The following RFX3 variants were observed in gnomAD, a reference collection of about 807,000 sequenced individuals.
RFX3 encodes transcription factor RFX3.
RFX3 carries 14 observed loss-of-function variants against 98.6 expected under a neutral mutation model. The observed-to-expected ratio is 0.14, with a 90% CI of 0.09 to 0.22. The LOEUF is 0.22. Ranked by LOEUF, RFX3 falls within the 10% of genes least tolerant of loss-of-function variation. The pLI, the probability that RFX3 is intolerant of heterozygous loss-of-function variation, is 1.00. For missense variants in RFX3, 639 were observed against 926.9 expected (o/e 0.69, Z 4.03); for synonymous variants, 383 against 328.4 (o/e 1.17, Z -1.80).
At chr9:3,414,007 T>C (rs1306555170) in intron 1 of RFX3, among the ~76,000 whole-genome samples, 1 of 152,152 alleles carries the variant, frequency 6.6e-6, no homozygotes, top group East Asian at 1.9e-4. Context: ...TAAAAGCTGC[T>C]ATTTATTGAA....
chr9:3,369,865 T>C (rs974065520), intron 2 of RFX3, among the ~76,000 whole-genome samples: 3 of 152,174 alleles, frequency 2.0e-5, no homozygotes, highest in Admixed American at 6.5e-5. Flanking sequence ...AGTCTTGATC[T>C]GTCGCCCAGG....
intron 13 of RFX3, among the ~76,000 whole-genome samples, chr9:3,258,294 G>A (rs189577783): frequency 2.8e-4 from 43 of 152,210 alleles, no homozygotes; most frequent in African/African-American, 9.9e-4. Context: ...GAATACATAT[G>A]TATTTTTCTC....
At chr9:3,374,213 C>A (rs191213689) in intron 2 of RFX3, among the ~76,000 whole-genome samples, 1 of 152,048 alleles carries the variant, frequency 6.6e-6, no homozygotes, top group South Asian at 2.1e-4. Context: ...GGAACCCTTG[C>A]GCTCTGTTGG....
intron 1 of RFX3, among the ~76,000 whole-genome samples, chr9:3,454,113 T>C (rs184744460): frequency 2.1e-3 from 314 of 152,344 alleles, no homozygotes; most frequent in African/African-American, 7.1e-3. Context: ...CTCTTTGCTA[T>C]GAATTAGGAA....
intron 9 of RFX3, among the ~76,000 whole-genome samples, chr9:3,271,608 T>A (rs983702042): frequency 6.6e-6 from 1 of 151,618 alleles, no homozygotes; most frequent in East Asian, 2.0e-4. Flanking sequence ...TCTGCCTCTA[T>A]AGTTACTGTC....
chr9:3,341,882 C>A (rs913520776), intron 3 of RFX3, among the ~76,000 whole-genome samples: 1 of 152,164 alleles, frequency 6.6e-6, no homozygotes, highest in Non-Finnish European at 1.5e-5. Context: ...ATCTCAATTA[C>A]AGAATTCCAT....
intron 5 of RFX3, among the ~76,000 whole-genome samples, chr9:3,297,328 C>T (rs955623146): frequency 4.6e-5 from 7 of 151,952 alleles, no homozygotes; most frequent in African/African-American, 1.7e-4. Flanking sequence ...AACATAGGAA[C>T]TTTTAACCTT....
chr9:3,460,023 A>G (rs1847547543), intron 1 of RFX3, among the ~76,000 whole-genome samples: 2 of 152,072 alleles, frequency 1.3e-5, no homozygotes, highest in Admixed American at 1.3e-4. Context: ...TGGAGAAAAA[A>G]AAACTTTATT....
intron 3 of RFX3, among the ~76,000 whole-genome samples, 178 bp from the exon 4 acceptor site, chr9:3,330,695 G>C (rs1832492453): frequency 2.6e-5 from 4 of 152,048 alleles, no homozygotes; most frequent in Admixed American, 6.6e-5. Flanking sequence ...TTCAAATTAA[G>C]GGGCCACTCA....
At chr9:3,330,154 T>C in intron 4 of RFX3, 105 bp downstream of exon 4, 1 of 1,165,448 alleles carries the variant, frequency 8.6e-7, no homozygotes, top group South Asian at 1.5e-5. Context: ...TCCAACACAT[T>C]CTTGCCCCAG....
intron 2 of RFX3, among the ~76,000 whole-genome samples, chr9:3,370,499 A>C: frequency 6.6e-6 from 1 of 151,496 alleles, no homozygotes; most frequent in Admixed American, 6.6e-5. Context: ...TATTAATTAT[A>C]TATATATATA....
chr9:3,500,666 G>C (rs541773948), intron 1 of RFX3, among the ~76,000 whole-genome samples: 2 of 152,164 alleles, frequency 1.3e-5, no homozygotes, highest in East Asian at 1.9e-4. Flanking sequence ...CCTTTTAAAA[G>C]TAATTAAAAT....
intron 5 of RFX3, among the ~76,000 whole-genome samples, chr9:3,297,258 G>A (rs1010716644): frequency 6.6e-6 from 1 of 151,880 alleles, no homozygotes; most frequent in Non-Finnish European, 1.5e-5. Context: ...CTTGTAAAAT[G>A]TATGCTGACT....
At chr9:3,451,834 T>G (rs897537598) in intron 1 of RFX3, among the ~76,000 whole-genome samples, 3 of 135,210 alleles carry the variant, frequency 2.2e-5, no homozygotes, top group African/African-American at 5.9e-5. Context: ...ATTTTAAAAG[T>G]TTTTTTTTTT....
chr9:3,350,083 A>G (rs954426768), intron 2 of RFX3, among the ~76,000 whole-genome samples: 3 of 152,236 alleles, frequency 2.0e-5, no homozygotes, highest in Middle Eastern at 3.4e-3. Context: ...TAGACATAAC[A>G]CCAAAGGTGT....
chr9:3,326,714 T>A (rs983488304), intron 4 of RFX3, among the ~76,000 whole-genome samples: 1 of 152,184 alleles, frequency 6.6e-6, no homozygotes, highest in African/African-American at 2.4e-5. Flanking sequence ...ATGTACCATA[T>A]TTTCTTTATC....
At chr9:3,417,246 T>G (rs774410786) in intron 1 of RFX3, among the ~76,000 whole-genome samples, 9 of 152,000 alleles carry the variant, frequency 5.9e-5, no homozygotes, top group Non-Finnish European at 1.2e-4. Context: ...AAATGCAGTA[T>G]TATTGATGGA....
At position 3,265,822 on chromosome 9, in the gene RFX3, A is replaced by C. The variant is rs547585797; in HGVS notation, c.1455+386T>G. Among the ~76,000 whole-genome samples, 6 of 152,310 alleles carry C rather than the reference A, an allele frequency of 3.9e-5. No homozygotes were observed. The East Asian group carries it at 1.2e-3, about 29-fold the overall frequency. On this transcript the variant is annotated intron_variant, in intron 12 of 16. Transcript: ENST00000617270. ...TATGATAAGTATAGCAGGAAATTTT[A>C]GAAATAGAAAATTCCTTCAAATGAA...
intron 1 of RFX3, among the ~76,000 whole-genome samples, chr9:3,426,232 C>T (rs577941915): frequency 5.9e-5 from 9 of 151,464 alleles, no homozygotes; most frequent in African/African-American, 9.7e-5. Flanking sequence ...TTTTAACTGA[C>T]GTATTCATGA....
Sources: gnomAD v4.1 joint callset for allele counts (sites outside exome capture counted in the v4.1 genomes callset) on GRCh38, gnomAD v4.1.1 for gene constraint, MANE v1.5 for transcripts, NCBI Gene and HGNC (gene_info 2026-07-23, HGNC 2026-07-21) for gene names.